TYW1: variants seen among roughly 807,000 people sequenced by gnomAD.
TYW1 encodes S-adenosyl-L-methionine-dependent tRNA 4-demethylwyosine synthase TYW1.
In TYW1, 46 loss-of-function variants were observed where a neutral mutation model predicts 96.2. That is an observed-to-expected ratio of 0.48 (90% CI 0.38 to 0.61). The LOEUF is 0.61. Among genes scored for constraint, TYW1 ranks in the 20% least tolerant of loss-of-function variants. The probability of loss-of-function intolerance (pLI) is 0.00; values close to 1 mark genes in which losing one functional copy is unlikely to be tolerated. For missense variants in TYW1, 684 were observed against 909.6 expected (o/e 0.75, Z 3.19); for synonymous variants, 274 against 323.0 (o/e 0.85, Z 1.63).
At chr7:67,002,843 CTTTTTCT>C (rs142042418) in intron 3 of TYW1, among the ~76,000 whole-genome samples, 2,286 of 117,776 alleles carry the variant, frequency 0.019, 44 homozygotes, top group African/African-American at 0.06. Flanking sequence ...TTTTCTTTTT[CTTTTTCT>C]TTTTTCTTTT....
intron 13 of TYW1, among the ~76,000 whole-genome samples, chr7:67,119,735 G>A (rs1393275895): frequency 6.6e-6 from 1 of 151,906 alleles, no homozygotes; most frequent in East Asian, 1.9e-4. Context: ...CCTTCCTTAT[G>A]TCTGAATTCT....
At chr7:67,180,735 C>T (rs1402862535) in intron 13 of TYW1, among the ~76,000 whole-genome samples, 4 of 151,922 alleles carry the variant, frequency 2.6e-5, no homozygotes, top group East Asian at 1.9e-4. Flanking sequence ...CTCTGCCTCC[C>T]GGGTTGAAGC....
chr7:67,196,932 A>G lies in TYW1; in HGVS notation c.1977+1595A>G, dbSNP rs555592342. On this transcript the variant is annotated intron_variant, in intron 15 of 15. Coordinates refer to ENST00000359626, the MANE Select transcript of TYW1 (RefSeq NM_018264.4). ...CAGTGCTCAGACATGAAGAATGGAA[A>G]GCCACAGGGTTAATTGAAAAGTAGA... Among the ~76,000 whole-genome samples, 19 of 152,330 alleles carry G rather than the reference A, an allele frequency of 1.2e-4. No homozygotes were observed. In the East Asian group the frequency reaches 3.5e-3, roughly 28 times the overall value.
chr7:67,238,644 G>C lies in TYW1; in HGVS notation c.*115G>C. The C allele has an allele frequency of 6.8e-7, 1 of 1,475,826 alleles. No individual in the cohort carries two copies. Among genetic ancestry groups the C allele is most frequent in the East Asian group, 2.5e-5 (1 of 40,430 alleles). The allele number at this position is 1,475,826 out of a possible 1,614,324, so 91.4% of individuals were successfully genotyped here. On this transcript the variant is annotated 3_prime_UTR_variant, in exon 16 of 16. Transcript: ENST00000359626. ...ACGTAAATTATACTTTCATACAAAG[G>C]AGACGATAAGGCAGTAAACATGGAG... is the stretch of plus-strand genomic sequence containing the variant.
intron 13 of TYW1, among the ~76,000 whole-genome samples, chr7:67,153,788 C>T (rs1346689381): frequency 6.6e-6 from 1 of 152,176 alleles, no homozygotes; most frequent in Non-Finnish European, 1.5e-5. Context: ...GCTTTGCATA[C>T]TGCCTACAAG....
intron 13 of TYW1, among the ~76,000 whole-genome samples, chr7:67,174,238 T>C (rs182049503): frequency 9.9e-5 from 15 of 151,788 alleles, no homozygotes; most frequent in African/African-American, 3.7e-4. Context: ...AAAGTTTTAC[T>C]CATTTACTGT....
At chr7:67,175,074 TTGA>T (rs776798612) in intron 13 of TYW1, among the ~76,000 whole-genome samples, 21 of 152,044 alleles carry the variant, frequency 1.4e-4, no homozygotes, top group Non-Finnish European at 2.8e-4. Flanking sequence ...ATACCAATTC[TTGA>T]TGATACCAGT....
rs775636361 is a variant in TYW1, at chr7:67,083,438, C to T, written c.1283C>T (p.Thr428Ile). ...TTGCATCTTGTTCCTAGGCACCACA[C>T]CAACCCCGTGGGCACTGAGTGGCGG... ...NKCVFCWRHHTNPVGTEWRWK... is the reference protein window; with the variant it reads ...NKCVFCWRHHINPVGTEWRWK... The change falls in exon 11 of 16, where the codon ACC becomes ATC. Residue 428 changes from threonine (T) to isoleucine (I), a missense_variant. Physicochemically the swap from Thr to Ile is moderately conservative, Grantham distance 89. Transcript: ENST00000359626. 14 of 1,614,034 alleles carry T rather than the reference C, an allele frequency of 8.7e-6. No homozygotes were observed. The highest frequency in any genetic ancestry group is 2.7e-5 in the African/African-American group (2 of 74,926).
At chr7:67,086,093 A>G (rs1280311813) in intron 11 of TYW1, among the ~76,000 whole-genome samples, 1 of 152,194 alleles carries the variant, frequency 6.6e-6, no homozygotes, top group Non-Finnish European at 1.5e-5. Context: ...ACATTTACAA[A>G]GAAGCTAATG....
intron 12 of TYW1, among the ~76,000 whole-genome samples, chr7:67,109,674 A>G (rs1584572173): frequency 6.6e-6 from 1 of 152,134 alleles, no homozygotes; most frequent in East Asian, 1.9e-4. Context: ...TGAGGTCAGG[A>G]GTTCAAGACC....
chr7:67,054,248 A>G (rs1020056158), intron 8 of TYW1, among the ~76,000 whole-genome samples: 2 of 150,970 alleles, frequency 1.3e-5, no homozygotes, highest in African/African-American at 4.9e-5. Flanking sequence ...GTGGTCAACT[A>G]CAGATCTCTT....
chr7:67,060,437 A>G (rs982976020), intron 9 of TYW1, among the ~76,000 whole-genome samples: 4 of 152,234 alleles, frequency 2.6e-5, no homozygotes, highest in Non-Finnish European at 5.9e-5. Context: ...CAGTTTGCAT[A>G]ATGGCTTTGA....
intron 8 of TYW1, among the ~76,000 whole-genome samples, chr7:67,051,369 A>G (rs890847357): frequency 2.0e-5 from 3 of 152,058 alleles, no homozygotes; most frequent in Non-Finnish European, 2.9e-5. Context: ...GTGCAGTGGT[A>G]TGATCATGGC....
chr7:67,231,638 C>T (rs1457729148), intron 15 of TYW1, among the ~76,000 whole-genome samples: 1 of 152,108 alleles, frequency 6.6e-6, no homozygotes, highest in African/African-American at 2.4e-5. Flanking sequence ...TAATTGAGAA[C>T]TCAAAAGGCA....
At chr7:67,163,889 GAACTCCT>G (rs1799245522) in intron 13 of TYW1, among the ~76,000 whole-genome samples, 1 of 151,734 alleles carries the variant, frequency 6.6e-6, no homozygotes, top group Admixed American at 6.6e-5. Flanking sequence ...GGCTGGTCTC[GAACTCCT>G]GACCTCAGAT....
At chr7:67,022,149 G>A (rs1794300514) in intron 6 of TYW1, among the ~76,000 whole-genome samples, 1 of 152,196 alleles carries the variant, frequency 6.6e-6, no homozygotes, top group South Asian at 2.1e-4. Flanking sequence ...CTGAGCTCAA[G>A]CGATCCTCCT....
At chr7:67,081,363 G>T (rs10242292) in intron 10 of TYW1, among the ~76,000 whole-genome samples, 1 of 150,034 alleles carries the variant, frequency 6.7e-6, no homozygotes, top group Non-Finnish European at 1.5e-5. Flanking sequence ...GCTGTTTTTA[G>T]AATTCTCTTT....
intron 7 of TYW1, among the ~76,000 whole-genome samples, chr7:67,036,562 A>G (rs988760260): frequency 6.6e-6 from 1 of 152,206 alleles, no homozygotes; most frequent in African/African-American, 2.4e-5. Flanking sequence ...AGAGGTCAGG[A>G]GGGCCCCTTG....
At chr7:67,074,785 G>A (rs12334126) in intron 10 of TYW1, among the ~76,000 whole-genome samples, 37,070 of 151,824 alleles carry the variant, frequency 0.24, 4,803 homozygotes, top group African/African-American at 0.32. Context: ...TTACAGGGTT[G>A]CTGTAAGGCT....
Sources: gnomAD v4.1 joint callset for allele counts (sites outside exome capture counted in the v4.1 genomes callset) on GRCh38, gnomAD v4.1.1 for gene constraint, MANE v1.5 for transcripts, NCBI Gene and HGNC (gene_info 2026-07-23, HGNC 2026-07-21) for gene names.